LNPEP: variants seen among roughly 807,000 people sequenced by gnomAD.
LNPEP encodes the protein leucyl-cystinyl aminopeptidase.
Under a neutral mutation model 120.6 loss-of-function variants are expected in LNPEP, and 64 were observed. The observed-to-expected ratio is 0.53, with a 90% CI of 0.43 to 0.65. The LOEUF is 0.65. Ranked by LOEUF, LNPEP falls within the 30% of genes least tolerant of loss-of-function variation. The pLI is 0.00. For synonymous variants in LNPEP, 435 were observed against 425.4 expected (o/e 1.02, Z -0.28); for missense variants, 1,057 against 1,200.0 (o/e 0.88, Z 1.76).
intron 1 of LNPEP, among the ~76,000 whole-genome samples, chr5:96,976,178 A>T (rs901867104): frequency 1.3e-5 from 2 of 152,166 alleles, no homozygotes; most frequent in African/African-American, 4.8e-5. Flanking sequence ...ATGTATCTTC[A>T]TGGGATACCT....
At chr5:97,010,206 C>G in intron 11 of LNPEP, 3 of 873,580 alleles carry the variant, frequency 3.4e-6, no homozygotes, top group African/African-American at 1.8e-5. Flanking sequence ...CTCTCTCTCT[C>G]TCTTTCTTAT....
intron 1 of LNPEP, chr5:96,943,155 G>A: frequency 1.9e-6 from 1 of 519,892 alleles, no homozygotes; most frequent in South Asian, 5.2e-5. Flanking sequence ...ATTGAGCCAG[G>A]AGTTGAGGTT....
At chr5:96,994,069 T>A in intron 6 of LNPEP, 98 bp downstream of exon 6, 7 of 927,606 alleles carry the variant, frequency 7.5e-6, no homozygotes, top group South Asian at 1.8e-5. Flanking sequence ...TTTTTTTTTT[T>A]AAGCATTGCC....
At chr5:96,963,807 C>G (rs1268530510) in intron 1 of LNPEP, among the ~76,000 whole-genome samples, 1 of 152,058 alleles carries the variant, frequency 6.6e-6, no homozygotes, top group Non-Finnish European at 1.5e-5. Context: ...GGGTATAATT[C>G]CATGTTTTGA....
rs1165853865 is a variant in LNPEP, at chr5:96,942,731, G to A, written c.19+6557G>A. On this transcript the variant is annotated intron_variant, in intron 1 of 17. Coordinates refer to ENST00000231368, the MANE Select transcript of LNPEP (RefSeq NM_005575.3). ...ACACACTGGGGCCTGTCATGGAGTC[G>A]GGGGAGGGGGGAGGGATAGCATTAG... Among the ~76,000 whole-genome samples the A allele has an allele frequency of 4.5e-5, 6 of 133,378 alleles. No individual in the cohort carries two copies. In the South Asian group the frequency reaches 8.5e-4, roughly 19 times the overall value. 87.5% of individuals were successfully genotyped at this position (133,378 alleles called of 152,430 possible). A position where few individuals can be genotyped will look rare whatever the true frequency, so the allele number is the denominator to read the frequency against.
chr5:96,994,472 T>TC (rs1790461371), intron 6 of LNPEP, among the ~76,000 whole-genome samples: 1 of 152,098 alleles, frequency 6.6e-6, no homozygotes, highest in South Asian at 2.1e-4. Flanking sequence ...TGGATTTTTT[T>TC]TTTTTTTTCA....
chr5:97,006,613 C>G lies in LNPEP; in HGVS notation c.2035+98C>G. 5 of 706,098 alleles carry G rather than the reference C, an allele frequency of 7.1e-6. No individual in the cohort carries two copies. The South Asian group carries it at 8.2e-5, about 12-fold the overall frequency. 43.7% of individuals were successfully genotyped at this position (706,098 alleles called of 1,614,324 possible). ...TTACACTTTCCAGTGTGCACACTCTCTGAACTGGTTTTATGAGTTGCATAT... is the reference window on the plus strand; with the variant it reads ...TTACACTTTCCAGTGTGCACACTCTGTGAACTGGTTTTATGAGTTGCATAT... On this transcript the variant is annotated intron_variant, in intron 11 of 17. Transcript: ENST00000231368.
intron 1 of LNPEP, among the ~76,000 whole-genome samples, chr5:96,940,587 C>A (rs1015933940): frequency 2.0e-5 from 3 of 152,160 alleles, no homozygotes; most frequent in Non-Finnish European, 2.9e-5. Context: ...TTGTCTAAGA[C>A]AGTATTCTAA....
At position 96,954,631 on chromosome 5, in the gene LNPEP, TAC is replaced by T. The variant is rs756270381; in HGVS notation, c.19+18459_19+18460del. Among the ~76,000 whole-genome samples, 290 of 65,898 alleles carry T rather than the reference TAC, an allele frequency of 4.4e-3. 12 individuals are homozygous for T. The highest frequency in any genetic ancestry group is 0.014 in the Middle Eastern group (2 of 146). The allele number at this position is 65,898 out of a possible 152,430, so 43.2% of individuals were successfully genotyped here. ...CTCTCTCTCTCTCTATATATATATA[TAC>T]ATATATACATATATACATATATACA... On this transcript the variant is annotated intron_variant, in intron 1 of 17. Coordinates refer to ENST00000231368, the MANE Select transcript of LNPEP (RefSeq NM_005575.3).
At chr5:96,967,030 T>C (rs1236782519) in intron 1 of LNPEP, among the ~76,000 whole-genome samples, 1 of 152,060 alleles carries the variant, frequency 6.6e-6, no homozygotes, top group East Asian at 1.9e-4. Flanking sequence ...TCTTTTAGGG[T>C]CAGCTGGAAC....
At chr5:97,020,757 G>A (rs994983657) in intron 13 of LNPEP, among the ~76,000 whole-genome samples, 21 of 152,096 alleles carry the variant, frequency 1.4e-4, no homozygotes, top group South Asian at 2.1e-4. Context: ...AGCTGAGATC[G>A]CACCACTGCA....
At chr5:96,973,571 A>G (rs1244879138) in intron 1 of LNPEP, among the ~76,000 whole-genome samples, 1 of 152,154 alleles carries the variant, frequency 6.6e-6, no homozygotes, top group Non-Finnish European at 1.5e-5. Flanking sequence ...TTTATATAGC[A>G]TTTACAATGG....
intron 1 of LNPEP, chr5:96,937,840 AT>A: frequency 6.6e-6 from 1 of 152,342 alleles, no homozygotes; most frequent in East Asian, 1.9e-4. Flanking sequence ...AAACTGTCAC[AT>A]TTGGGAGGAC....
rs1791546434 is a variant in LNPEP at position 97,035,036 on chromosome 5, C to G, written c.*6503C>G. The G allele has an allele frequency of 6.6e-6, 1 of 152,012 alleles. No individual in the cohort carries two copies. Among genetic ancestry groups the G allele is most frequent in the Non-Finnish European group, 1.5e-5 (1 of 67,982 alleles). 9.4% of individuals were successfully genotyped at this position (152,012 alleles called of 1,614,324 possible). On this transcript the variant is annotated 3_prime_UTR_variant, in exon 18 of 18. Coordinates refer to ENST00000231368, the MANE Select transcript of LNPEP (RefSeq NM_005575.3). The stretch of plus-strand genomic sequence containing the variant: ...GTGTTATATAATGTGGTACCCAGTC[C>G]TCTGCTGGGACATGGATGTACATAA...
intron 7 of LNPEP, among the ~76,000 whole-genome samples, chr5:96,996,901 T>A (rs954187737): frequency 6.6e-6 from 1 of 152,076 alleles, no homozygotes; most frequent in African/African-American, 2.4e-5. Context: ...GATAAAAAAT[T>A]AAAACATTTT....
chr5:97,002,606 T>G (rs371936226), intron 8 of LNPEP, among the ~76,000 whole-genome samples: 1 of 152,238 alleles, frequency 6.6e-6, no homozygotes, highest in Non-Finnish European at 1.5e-5. Flanking sequence ...CTAGAGTGCC[T>G]ACTATGTAGT....
intron 8 of LNPEP, among the ~76,000 whole-genome samples, chr5:96,999,564 T>C (rs180727187): frequency 6.6e-6 from 1 of 152,032 alleles, no homozygotes; most frequent in Non-Finnish European, 1.5e-5. Context: ...TAAAGAAAAT[T>C]TAAAACTTGA....
rs76000709 is a variant in LNPEP, at chr5:96,943,954, T to A, written c.19+7780T>A. ...GTCTTCTCCAGCCAATGATCTGGGG[T>A]GAAGGAAGTTAAAGAAGGCTTCTTC... On this transcript the variant is annotated intron_variant, in intron 1 of 17. Coordinates refer to ENST00000231368, the MANE Select transcript of LNPEP (RefSeq NM_005575.3). Among the ~76,000 whole-genome samples the A allele has an allele frequency of 6.8e-4, 103 of 152,150 alleles. 6 individuals carry two copies. In the East Asian group the frequency reaches 0.018, roughly 27 times the overall value.
chr5:96,938,888 T>C (rs1216080230), intron 1 of LNPEP, among the ~76,000 whole-genome samples: 1 of 151,978 alleles, frequency 6.6e-6, no homozygotes, highest in African/African-American at 2.4e-5. Context: ...AAGAGAGATG[T>C]GCTGGACCAG....
Sources: allele counts gnomAD v4.1 joint callset (sites outside exome capture counted in the v4.1 genomes callset), GRCh38; gene constraint gnomAD v4.1.1; transcripts MANE v1.5; gene names NCBI Gene and HGNC (gene_info 2026-07-23, HGNC 2026-07-21).